Variants in TGFBI observed in about 807,000 individuals in gnomAD.
The protein encoded by TGFBI is transforming growth factor-beta-induced protein ig-h3.
TGFBI carries 50 observed loss-of-function variants against 73.7 expected under a neutral mutation model. That is an observed-to-expected ratio of 0.68 (90% CI 0.54 to 0.86). The LOEUF (loss-of-function observed/expected upper bound fraction) is 0.86. Ranked by LOEUF, TGFBI falls within the 40% of genes least tolerant of loss-of-function variation. TGFBI has a pLI of 0.00. For missense variants in TGFBI, 839 were observed against 877.0 expected (o/e 0.96, Z 0.55); for synonymous variants, 362 against 360.5 (o/e 1.00, Z -0.05).
intron 2 of TGFBI, among the ~76,000 whole-genome samples, chr5:136,043,041 G>A (rs1021071630): frequency 6.6e-6 from 1 of 152,186 alleles, no homozygotes; most frequent in African/African-American, 2.4e-5. Context: ...TGCAATTAAA[G>A]TCTGAGTCCT....
chr5:136,059,261 G>A (rs778308592), intron 13 of TGFBI, 47 bp downstream of exon 13: 8 of 1,597,560 alleles, frequency 5.0e-6, no homozygotes, highest in South Asian at 2.3e-5. Context: ...CCCAGGGCAG[G>A]GCTCCAGGAC....
intron 10 of TGFBI, chr5:136,055,400 C>T (rs1751611417): frequency 6.0e-6 from 2 of 333,244 alleles, no homozygotes; most frequent in Non-Finnish European, 1.1e-5. Flanking sequence ...GTATTTATTT[C>T]AACATTGTCA....
chr5:136,042,370 G>A (rs1751355055), intron 2 of TGFBI, among the ~76,000 whole-genome samples: 1 of 152,216 alleles, frequency 6.6e-6, no homozygotes, highest in African/African-American at 2.4e-5. Context: ...TGAGACCAGA[G>A]AGAGAAATGG....
Position 136,034,645 on chromosome 5 carries a change from T to C in TGFBI, c.233+784T>C, listed in dbSNP as rs140427004. 4.6e-5 allele frequency among the ~76,000 whole-genome samples: 7 copies of C among 152,138 alleles called. No individual in the cohort carries two copies. In the East Asian group the frequency reaches 1.4e-3, roughly 30 times the overall value. ...TACAATAGGGCTTGTTGATGTCTGT[T>C]TCAGCAAGGAGGGAGGCAGCTTTTA... On this transcript the variant is annotated intron_variant, in intron 2 of 16. Transcript: ENST00000442011.
chr5:136,055,706 C>A lies in TGFBI; in HGVS notation c.1437C>A (p.Ile479=). Residue 479 remains isoleucine (I), a synonymous_variant, in exon 11 of 17, where the codon ATC becomes ATA. Transcript: ENST00000442011. ...GCCTCTGCATTGAGAACAGCTGCAT[C>A]GCGGCCCACGACAAGAGGGGGAGGT... ...RNSLCIENSC[I]AAHDKRGRYG... 1.2e-6 allele frequency: 2 copies of A among 1,609,668 alleles called. No homozygotes were observed. The highest frequency in any genetic ancestry group is 1.7e-6 in the Non-Finnish European group (2 of 1,176,636).
Position 136,049,590 on chromosome 5 carries a change from C to A in TGFBI, c.913+10C>A, listed in dbSNP as rs749570216. ...CCAGAAGCCCTGAGAGGTGAGCATC[C>A]TTTGGCTCCTGCTGCTGCCTCATTT... is the stretch of plus-strand genomic sequence containing the variant. On this transcript the variant is annotated intron_variant, in intron 7 of 16. Transcript: ENST00000442011. 7 of 1,611,168 alleles carry A rather than the reference C, an allele frequency of 4.3e-6. No homozygotes were observed. The highest frequency in any genetic ancestry group is 3.3e-5 in the Admixed American group (2 of 59,730).
intron 4 of TGFBI, 160 bp downstream of exon 4, chr5:136,046,655 T>C (rs1751434040): frequency 1.6e-6 from 2 of 1,232,102 alleles, no homozygotes; most frequent in South Asian, 1.6e-5. Flanking sequence ...AGCTAAAATA[T>C]GTCTTACCAG....
At position 136,049,525 on chromosome 5, in the gene TGFBI, G is replaced by A; in HGVS notation, c.858G>A (p.Glu286=). ...TLLAPTNEAF[E]KIPSETLNRI... ...TGGCCCCGACCAATGAGGCCTTCGAGAAGATCCCTAGTGAGACTTTGAACC... is the reference window on the plus strand; with the variant it reads ...TGGCCCCGACCAATGAGGCCTTCGAAAAGATCCCTAGTGAGACTTTGAACC... The change falls in exon 7 of 17, where the codon GAG becomes GAA. Residue 286 remains glutamate (E), a synonymous_variant. Transcript: ENST00000442011. 6.2e-7 allele frequency: 1 copy of A among 1,614,016 alleles called. No individual in the cohort carries two copies. The highest frequency in any genetic ancestry group is 8.5e-7 in the Non-Finnish European group (1 of 1,179,898).
chr5:136,058,512 C>T (rs947255155), intron 12 of TGFBI, among the ~76,000 whole-genome samples: 5 of 152,144 alleles, frequency 3.3e-5, no homozygotes, highest in African/African-American at 4.8e-5. Context: ...AGAGATGCTG[C>T]GGAGGGAATA....
chr5:136,049,389 G>C (rs1445852033), intron 6 of TGFBI, 50 bp from the exon 7 acceptor site: 2 of 1,596,824 alleles, frequency 1.3e-6, no homozygotes, highest in African/African-American at 1.3e-5. Flanking sequence ...ATCTTCTGTG[G>C]GGAGTGCCAG....
intron 8 of TGFBI, 141 bp downstream of exon 8, chr5:136,053,260 A>C (rs1751570731): frequency 1.3e-6 from 1 of 759,868 alleles, no homozygotes. Flanking sequence ...GGCCACTGCA[A>C]ATGTGTGGGT....
chr5:136,051,412 A>C (rs962376349), intron 7 of TGFBI, among the ~76,000 whole-genome samples: 3 of 152,158 alleles, frequency 2.0e-5, no homozygotes, highest in African/African-American at 7.2e-5. Context: ...CCTGGGCAAC[A>C]AAGCTAGACT....
intron 7 of TGFBI, among the ~76,000 whole-genome samples, chr5:136,051,953 G>A (rs1751543996): frequency 6.6e-6 from 1 of 152,236 alleles, no homozygotes; most frequent in Non-Finnish European, 1.5e-5. Context: ...TGACAGTGTG[G>A]TTTTGGTTCC....
chr5:136,055,854 T>C (rs779738076), intron 11 of TGFBI, 38 bp downstream of exon 11: 3 of 1,561,826 alleles, frequency 1.9e-6, no homozygotes, highest in South Asian at 1.2e-5. Flanking sequence ...TTCTGCCCAG[T>C]GGTCATGCTG....
At chr5:136,038,455 G>A (rs745699322) in intron 2 of TGFBI, among the ~76,000 whole-genome samples, 16 of 152,110 alleles carry the variant, frequency 1.1e-4, no homozygotes, top group East Asian at 1.9e-4. Flanking sequence ...GGTGGTTCAC[G>A]CCTTTAATCC....
chr5:136,032,271 A>G (rs1399818686), intron 1 of TGFBI, among the ~76,000 whole-genome samples: 1 of 152,106 alleles, frequency 6.6e-6, no homozygotes, highest in East Asian at 1.9e-4. Flanking sequence ...AGATCCTTAC[A>G]TGGATTCATT....
chr5:136,052,565 C>T (rs984168619), intron 7 of TGFBI, among the ~76,000 whole-genome samples: 4 of 152,218 alleles, frequency 2.6e-5, no homozygotes, highest in Admixed American at 1.3e-4. Context: ...TGTCAGGCCC[C>T]GTGCCGAGTG....
chr5:136,059,038 G>A, intron 12 of TGFBI, 52 bp from the exon 13 acceptor site: 1 of 1,586,022 alleles, frequency 6.3e-7, no homozygotes, highest in South Asian at 1.2e-5. Flanking sequence ...CCTTGACCAG[G>A]CTAATTACCA....
chr5:136,051,573 G>A (rs1751537061), intron 7 of TGFBI, among the ~76,000 whole-genome samples: 1 of 152,222 alleles, frequency 6.6e-6, no homozygotes, highest in South Asian at 2.1e-4. Flanking sequence ...AGGACACTCT[G>A]TTTGGTGCCA....
Sources: gnomAD v4.1 joint callset for allele counts (sites outside exome capture counted in the v4.1 genomes callset) on GRCh38, gnomAD v4.1.1 for gene constraint, MANE v1.5 for transcripts, NCBI Gene and HGNC (gene_info 2026-07-23, HGNC 2026-07-21) for gene names.